PAPOLA: variants seen among roughly 807,000 people sequenced by gnomAD.
PAPOLA encodes poly(A) polymerase alpha, also known as polynucleotide adenylyltransferase alpha.
In PAPOLA, 15 loss-of-function variants were observed where a neutral mutation model predicts 100.6. That is an observed-to-expected ratio of 0.15 (90% confidence interval 0.10 to 0.23). PAPOLA has a LOEUF of 0.23. Ranked by LOEUF, PAPOLA falls within the 10% of genes least tolerant of loss-of-function variation. PAPOLA has a pLI of 1.00. For missense variants in PAPOLA, 533 were observed against 884.2 expected (o/e 0.60, Z 5.04); for synonymous variants, 293 against 300.0 (o/e 0.98, Z 0.24).
At chr14:96,528,181 TCTTTTTAAAAATA>T (rs1898662244) in intron 6 of PAPOLA, among the ~76,000 whole-genome samples, 175 bp downstream of exon 6, 1 of 152,222 alleles carries the variant, frequency 6.6e-6, no homozygotes, top group African/African-American at 2.4e-5. Flanking sequence ...CCATTTTAAA[TCTTTTTAAAAATA>T]CCAAGTGAAA....
At chr14:96,552,921 GT>G (rs1325270133) in intron 17 of PAPOLA, 4 of 288,356 alleles carry the variant, frequency 1.4e-5, no homozygotes, top group Non-Finnish European at 2.6e-5. Flanking sequence ...GCACTGTATG[GT>G]GTGCTGATGA....
intron 13 of PAPOLA, 56 bp downstream of exon 13, chr14:96,542,352 C>G: frequency 9.8e-7 from 1 of 1,021,294 alleles, no homozygotes; most frequent in Admixed American, 1.9e-5. Context: ...AATCACATAG[C>G]CACTGAACAC....
chr14:96,545,436 C>T (rs756305360), intron 15 of PAPOLA, among the ~76,000 whole-genome samples: 4 of 152,012 alleles, frequency 2.6e-5, no homozygotes, highest in Non-Finnish European at 5.9e-5. Context: ...TCACCAGCAG[C>T]GTTAGCATTG....
At chr14:96,559,740 C>A (rs1461775425) in intron 19 of PAPOLA, among the ~76,000 whole-genome samples, 1 of 151,688 alleles carries the variant, frequency 6.6e-6, no homozygotes, top group Non-Finnish European at 1.5e-5. Context: ...TAACAACTCA[C>A]AGCCAGCCTT....
intron 20 of PAPOLA, 67 bp from the exon 21 acceptor site, chr14:96,562,752 C>A: frequency 3.2e-6 from 3 of 947,716 alleles, no homozygotes; most frequent in Non-Finnish European, 5.0e-6. Context: ...AGCCACCAAA[C>A]CCAGTTATGT....
intron 4 of PAPOLA, chr14:96,525,889 C>T (rs1335320669): frequency 6.6e-6 from 1 of 152,404 alleles, no homozygotes; most frequent in Non-Finnish European, 1.5e-5. Context: ...TGTTGGAGAG[C>T]TCTTTTGTAC....
intron 7 of PAPOLA, 21 bp downstream of exon 7, chr14:96,531,607 T>C: frequency 3.2e-6 from 5 of 1,581,296 alleles, no homozygotes; most frequent in Non-Finnish European, 4.3e-6. Context: ...GCCTACTTCC[T>C]TTTGTGTACT....
At chr14:96,531,365 A>G (rs1215900825) in intron 6 of PAPOLA, 110 bp from the exon 7 acceptor site, 1 of 769,094 alleles carries the variant, frequency 1.3e-6, no homozygotes, top group Non-Finnish European at 2.1e-6. Flanking sequence ...CAAGTGTTCC[A>G]CCTGCCTCAG....
At chr14:96,564,779 G>A (rs886444849) in intron 21 of PAPOLA, among the ~76,000 whole-genome samples, 176 bp from the exon 22 acceptor site, 2 of 151,834 alleles carry the variant, frequency 1.3e-5, no homozygotes, top group African/African-American at 2.4e-5. Flanking sequence ...ATTATTTGTT[G>A]AACAAATAAT....
intron 1 of PAPOLA, among the ~76,000 whole-genome samples, chr14:96,509,965 C>CT (rs11372552): frequency 0.2 from 16,665 of 84,362 alleles, 1,485 homozygotes; most frequent in Middle Eastern, 0.28. Context: ...GTGGGAGTTG[C>CT]TTTTTTTTTT....
In PAPOLA at chr14:96,532,315, TACCC is replaced by T. The variant is rs1899104861; in HGVS notation, c.608-15_608-12del. 6.3e-7 allele frequency: 1 copy of T among 1,591,748 alleles called. No individual in the cohort carries two copies. Reference sequence around the variant, plus strand: ...GTGTGTGTGTGTGTGTGTTTTTTTTTACCCCTATTAATTAGGTTGCAGGGTAACC... The same window carrying T: ...GTGTGTGTGTGTGTGTGTTTTTTTTTCTATTAATTAGGTTGCAGGGTAACC... On this transcript the variant is annotated splice_polypyrimidine_tract_variant and intron_variant, in intron 7 of 21. Coordinates refer to ENST00000216277, the MANE Select transcript of PAPOLA (RefSeq NM_032632.5).
intron 9 of PAPOLA, chr14:96,533,141 A>C (rs549581719): frequency 1.0e-6 from 1 of 984,008 alleles, no homozygotes; most frequent in Non-Finnish European, 1.2e-6. Context: ...TTCGGGACAA[A>C]AAAGGAATTT....
At chr14:96,519,361 T>G (rs973535129) in intron 1 of PAPOLA, among the ~76,000 whole-genome samples, 1 of 152,306 alleles carries the variant, frequency 6.6e-6, no homozygotes, top group African/African-American at 2.4e-5. Context: ...ACTTCTTAAT[T>G]TAATGAAAAA....
chr14:96,505,939 C>T (rs191344436), intron 1 of PAPOLA, among the ~76,000 whole-genome samples: 17 of 152,116 alleles, frequency 1.1e-4, no homozygotes, highest in African/African-American at 3.9e-4. Context: ...GAGTCTTGCT[C>T]TGTCGCCGGG....
chr14:96,529,188 T>A (rs1270774774), intron 6 of PAPOLA, among the ~76,000 whole-genome samples: 1 of 152,212 alleles, frequency 6.6e-6, no homozygotes, highest in East Asian at 1.9e-4. Flanking sequence ...TTTTTTGAAG[T>A]AATTCCATCC....
chr14:96,554,077 T>TTTC (rs1448148107), intron 17 of PAPOLA, among the ~76,000 whole-genome samples: 7 of 152,234 alleles, frequency 4.6e-5, no homozygotes, highest in African/African-American at 1.7e-4. Context: ...GTCTGTGTCC[T>TTTC]TTGAGTGTGT....
At chr14:96,556,121 T>G in intron 18 of PAPOLA, 54 bp from the exon 19 acceptor site, 1 of 1,421,094 alleles carries the variant, frequency 7.0e-7, no homozygotes, top group African/African-American at 1.4e-5. Flanking sequence ...AACTTACAAC[T>G]TGATACTGAT....
At chr14:96,562,732 CTTCT>C (rs2140341582) in intron 20 of PAPOLA, 83 bp from the exon 21 acceptor site, 3 of 749,428 alleles carry the variant, frequency 4.0e-6, no homozygotes, top group Non-Finnish European at 6.9e-6. Flanking sequence ...TCCAGTTTGT[CTTCT>C]TTATTAGCCA....
intron 14 of PAPOLA, 115 bp downstream of exon 14, chr14:96,543,008 T>C: frequency 9.9e-7 from 1 of 1,005,462 alleles, no homozygotes; most frequent in Non-Finnish European, 1.5e-6. Context: ...ATATGGCTTA[T>C]AGACAATTTA....
Sources: allele counts gnomAD v4.1 joint callset (sites outside exome capture counted in the v4.1 genomes callset), GRCh38; gene constraint gnomAD v4.1.1; transcripts MANE v1.5; gene names NCBI Gene and HGNC (gene_info 2026-07-23, HGNC 2026-07-21).